The following TGIF1 variants were observed in gnomAD, a reference collection of about 807,000 sequenced individuals.
The protein encoded by TGIF1 is homeobox protein TGIF1.
Under a neutral mutation model 19.3 loss-of-function variants are expected in TGIF1, and 4 were observed. The observed-to-expected ratio is 0.21, with a 90% CI of 0.10 to 0.47. The LOEUF (loss-of-function observed/expected upper bound fraction) is 0.47, where lower values mean the gene tolerates loss of function less well. Among genes scored for constraint, TGIF1 ranks in the 20% least tolerant of loss-of-function variants. The probability of loss-of-function intolerance (pLI) is 0.98; values close to 1 mark genes in which losing one functional copy is unlikely to be tolerated. For missense variants in TGIF1, 275 were observed against 341.4 expected (o/e 0.81, Z 1.53); for synonymous variants, 122 against 129.3 (o/e 0.94, Z 0.38).
chr18:3,414,267 C>T (rs1370138236), intron 1 of TGIF1, among the ~76,000 whole-genome samples: 18 of 152,204 alleles, frequency 1.2e-4, no homozygotes, highest in Admixed American at 1.2e-3. Context: ...GTATATGATG[C>T]TGCAGTCAAT....
In TGIF1 at chr18:3,431,424, G is replaced by A. The variant is rs184441872; in HGVS notation, c.-45+13209G>A. ...GCACTCCAGTCTGGGCGACAGGAGC[G>A]AGACTGTGTCTCAAAAAAAATAAAA... On this transcript the variant is annotated intron_variant, in intron 2 of 3. Transcript: ENST00000401449. 1.7e-4 allele frequency among the ~76,000 whole-genome samples: 26 copies of A among 152,086 alleles called. No homozygotes were observed. In the East Asian group the frequency reaches 5.0e-3, roughly 29 times the overall value.
intron 2 of TGIF1, among the ~76,000 whole-genome samples, chr18:3,427,247 G>C (rs1328745504): frequency 6.7e-6 from 1 of 149,796 alleles, no homozygotes; most frequent in African/African-American, 2.5e-5. Context: ...CCCAGCCAAT[G>C]ATCTCTATAA....
chr18:3,416,889 C>CA (rs1321217792), intron 1 of TGIF1, among the ~76,000 whole-genome samples: 51 of 151,748 alleles, frequency 3.4e-4, no homozygotes, highest in Admixed American at 1.1e-3. Flanking sequence ...CAAGATCATC[C>CA]CATTGCACTC....
intron 1 of TGIF1, chr18:3,412,915 G>A (rs9952664): frequency 0.68 from 104,090 of 152,134 alleles, 35,739 homozygotes; most frequent in Admixed American, 0.74. Context: ...CTACTTGGGA[G>A]GCTGAGACAG....
intron 2 of TGIF1, among the ~76,000 whole-genome samples, chr18:3,441,056 T>TC (rs933184767): frequency 2.0e-5 from 3 of 152,226 alleles, no homozygotes; most frequent in East Asian, 1.9e-4. Flanking sequence ...AGTTTTCATG[T>TC]CCCCCCCTCC....
chr18:3,434,187 T>C (rs1168028877), intron 2 of TGIF1, among the ~76,000 whole-genome samples: 1 of 151,682 alleles, frequency 6.6e-6, no homozygotes, highest in Non-Finnish European at 1.5e-5. Context: ...GTCAGAAGTT[T>C]GAGACCACCC....
chr18:3,437,964 A>G (rs2082635007), intron 2 of TGIF1, among the ~76,000 whole-genome samples: 1 of 152,040 alleles, frequency 6.6e-6, no homozygotes, highest in Non-Finnish European at 1.5e-5. Flanking sequence ...CACGCTTGTA[A>G]TCCCAGCCAC....
At chr18:3,448,188 A>C (rs2082782848), upstream of TGIF1, 1 of 984,996 alleles carries the variant, frequency 1.0e-6, no homozygotes, top group South Asian at 4.7e-5. Flanking sequence ...CTCCCCAGTA[A>C]CCGCCCGGTT....
At chr18:3,450,536 A>G (rs1196107934) in intron 1 of TGIF1, 31 bp downstream of exon 1, 3 of 1,557,140 alleles carry the variant, frequency 1.9e-6, no homozygotes, top group African/African-American at 2.7e-5. Flanking sequence ...GCGCACCAGA[A>G]GACGCGAGTC....
upstream of TGIF1, chr18:3,449,529 T>C (rs139321974): frequency 6.0e-3 from 5,884 of 985,008 alleles, 266 homozygotes; most frequent in African/African-American, 0.092. Flanking sequence ...TTAGGCTGTG[T>C]CTCATCATTC....
upstream of TGIF1, chr18:3,448,646 A>T: frequency 1.0e-6 from 1 of 982,696 alleles, no homozygotes; most frequent in Non-Finnish European, 1.2e-6. Flanking sequence ...GATTCATTTT[A>T]GTCCTGTAAT....
chr18:3,451,737 A>G lies in TGIF1; in HGVS notation c.16+1232A>G. ...TCCAGGCTTTCCCAGCGAGAGTGAA[A>G]TTAAACTTGAAACTCGGATCAACTG... On this transcript the variant is annotated intron_variant, in intron 1 of 2. Coordinates refer to ENST00000343820, the MANE Select transcript of TGIF1 (RefSeq NM_003244.4). The surrounding 1 kb of genome is among the most constrained non-coding windows in gnomAD (Gnocchi z 5.4). The G allele has an allele frequency of 8.0e-7, 1 of 1,243,826 alleles. No homozygotes were observed. The highest frequency in any genetic ancestry group is 1.0e-6 in the Non-Finnish European group (1 of 994,978). The allele number at this position is 1,243,826 out of a possible 1,614,324, so 77.0% of individuals were successfully genotyped here.
At chr18:3,428,594 G>A (rs1471943278) in intron 2 of TGIF1, among the ~76,000 whole-genome samples, 4 of 151,668 alleles carry the variant, frequency 2.6e-5, no homozygotes, top group South Asian at 2.1e-4. Context: ...AAGATTATCC[G>A]GGCATGGTGG....
intron 2 of TGIF1, among the ~76,000 whole-genome samples, chr18:3,435,692 G>A (rs2082605794): frequency 6.6e-6 from 1 of 152,124 alleles, no homozygotes; most frequent in Non-Finnish European, 1.5e-5. Context: ...TGTCAAGTTA[G>A]ACTCCCAAAC....
intron 1 of TGIF1, among the ~76,000 whole-genome samples, chr18:3,412,681 G>A (rs922276985): frequency 1.3e-5 from 2 of 152,148 alleles, no homozygotes; most frequent in African/African-American, 4.8e-5. Context: ...GGCACAGGCT[G>A]TGGTTCCTTA....
chr18:3,434,771 C>T (rs1476686519), intron 2 of TGIF1, among the ~76,000 whole-genome samples: 2 of 152,064 alleles, frequency 1.3e-5, no homozygotes, highest in East Asian at 1.9e-4. Context: ...GTAAACACTA[C>T]AGTAATTAGA....
chr18:3,428,792 A>G (rs2082508808), intron 2 of TGIF1, among the ~76,000 whole-genome samples: 1 of 152,056 alleles, frequency 6.6e-6, no homozygotes, highest in Non-Finnish European at 1.5e-5. Context: ...CTGAGATCCT[A>G]GCACTTTGGG....
intron 2 of TGIF1, among the ~76,000 whole-genome samples, chr18:3,422,296 TAAAAAAAA>T (rs34822467): frequency 0.081 from 6,544 of 80,482 alleles, 479 homozygotes; most frequent in African/African-American, 0.21. Flanking sequence ...GTTTAAAAAG[TAAAAAAAA>T]AAAAAAAAAA....
intron 1 of TGIF1, chr18:3,452,407 G>A: frequency 1.2e-6 from 2 of 1,613,070 alleles, no homozygotes; most frequent in Non-Finnish European, 1.7e-6. Context: ...GGGAAACTTT[G>A]CGACTGGTTC....
Sources: gnomAD v4.1 joint callset for allele counts (sites outside exome capture counted in the v4.1 genomes callset) on GRCh38, gnomAD v4.1.1 for gene constraint, Gnocchi (gnomAD v3.1) non-coding constraint, MANE v1.5 for transcripts, NCBI Gene and HGNC (gene_info 2026-07-23, HGNC 2026-07-21) for gene names.